STX3: variants seen among roughly 807,000 people sequenced by gnomAD.
The protein encoded by STX3 is syntaxin-3.
STX3 carries 19 observed loss-of-function variants against 40.2 expected under a neutral mutation model. That is an observed-to-expected ratio of 0.47 (90% CI 0.33 to 0.69). The LOEUF (loss-of-function observed/expected upper bound fraction) is 0.69. STX3 is among the 30% of genes least tolerant of loss of function. STX3 has a pLI of 0.02. For synonymous variants in STX3, 122 were observed against 132.2 expected (o/e 0.92, Z 0.53); for missense variants, 364 against 366.7 (o/e 0.99, Z 0.06).
intron 1 of STX3, among the ~76,000 whole-genome samples, chr11:59,770,849 T>C (rs921058235): frequency 6.6e-6 from 1 of 152,152 alleles, no homozygotes; most frequent in African/African-American, 2.4e-5. Context: ...AGGAGGATAC[T>C]GTTCAACTCA....
At chr11:59,771,101 G>T (rs984181171) in intron 1 of STX3, among the ~76,000 whole-genome samples, 1 of 152,174 alleles carries the variant, frequency 6.6e-6, no homozygotes, top group African/African-American at 2.4e-5. Context: ...ACAGAGGAAG[G>T]TGTTTCGAGC....
Position 59,803,086 on chromosome 11 carries a change from C to T in STX3, c.*2262C>T. 4.9e-6 allele frequency: 6 copies of T among 1,227,766 alleles called. No homozygotes were observed. Among genetic ancestry groups the T allele is most frequent in the Non-Finnish European group, 6.1e-6 (6 of 985,910 alleles). The allele number at this position is 1,227,766 out of a possible 1,614,324, so 76.1% of individuals were successfully genotyped here. A position where few individuals can be genotyped will look rare whatever the true frequency, so the allele number is the denominator to read the frequency against. On this transcript the variant is annotated 3_prime_UTR_variant, in exon 11 of 11. Transcript: ENST00000337979. ...CATTCTGGGTCCTAGAAGCCAGATC[C>T]ATCTCCTTTTTCCTTCTGTTGCTCT...
Position 59,802,762 on chromosome 11 carries a change from G to T in STX3, c.*1938G>T. The T allele has an allele frequency of 1.0e-6, 1 of 985,994 alleles. No individual in the cohort carries two copies. The highest frequency in any genetic ancestry group is 1.2e-6 in the Non-Finnish European group (1 of 830,268). 61.1% of individuals were successfully genotyped at this position (985,994 alleles called of 1,614,324 possible). ...CAATGATCTGGTGCCACCATGTGGT[G>T]ATTTTTATTCAGGTTTTAGAATGCA... On this transcript the variant is annotated 3_prime_UTR_variant, in exon 11 of 11. Transcript: ENST00000337979.
intron 1 of STX3, among the ~76,000 whole-genome samples, chr11:59,763,815 C>G (rs975127356): frequency 2.6e-5 from 4 of 152,182 alleles, no homozygotes; most frequent in Admixed American, 2.6e-4. Flanking sequence ...GTTGGGAGTT[C>G]AAGACCATCC....
intron 1 of STX3, among the ~76,000 whole-genome samples, chr11:59,768,620 T>C (rs1863401648): frequency 6.6e-6 from 1 of 152,122 alleles, no homozygotes; most frequent in Admixed American, 6.6e-5. Context: ...GCAGAAGGTG[T>C]CTGGGGGAGA....
chr11:59,781,800 G>T, intron 2 of STX3: 3 of 1,384,466 alleles, frequency 2.2e-6, no homozygotes, highest in South Asian at 2.5e-5. Context: ...AAGAGGACTT[G>T]ACTGAGCAGC....
At chr11:59,790,127 A>G (rs1436888385) in intron 4 of STX3, among the ~76,000 whole-genome samples, 4 of 152,220 alleles carry the variant, frequency 2.6e-5, no homozygotes, top group Non-Finnish European at 5.9e-5. Context: ...CCATTGTGCT[A>G]GGCACTTTAT....
At chr11:59,774,188 A>G (rs895291675) in intron 2 of STX3, among the ~76,000 whole-genome samples, 1 of 152,114 alleles carries the variant, frequency 6.6e-6, no homozygotes, top group Non-Finnish European at 1.5e-5. Context: ...AGGCAGTAGT[A>G]TATCGTGGAT....
chr11:59,795,278 C>T, intron 8 of STX3, 94 bp from the exon 9 acceptor site: 1 of 1,040,956 alleles, frequency 9.6e-7, no homozygotes, highest in Non-Finnish European at 1.4e-6. Flanking sequence ...CTCTTCTTGC[C>T]ACTGAAGATT....
intron 2 of STX3, among the ~76,000 whole-genome samples, chr11:59,781,046 A>G (rs1463382641): frequency 6.7e-6 from 1 of 148,464 alleles, no homozygotes; most frequent in Non-Finnish European, 1.5e-5. Context: ...TGGTTGACTG[A>G]GGTGGCCTTT....
At chr11:59,795,227 T>G (rs1281826602) in intron 8 of STX3, 145 bp from the exon 9 acceptor site, 1 of 646,248 alleles carries the variant, frequency 1.5e-6, no homozygotes, top group Non-Finnish European at 2.7e-6. Context: ...GGACTGTGAA[T>G]GGGTGTCCTA....
At chr11:59,792,079 C>T (rs1408079413) in intron 5 of STX3, 28 bp from the exon 6 acceptor site, 1 of 1,574,824 alleles carries the variant, frequency 6.3e-7, no homozygotes, top group Non-Finnish European at 8.7e-7. Context: ...ACCACTGGGG[C>T]CTGACTGCAT....
chr11:59,780,573 A>T (rs1590791199), intron 2 of STX3, among the ~76,000 whole-genome samples: 1 of 152,200 alleles, frequency 6.6e-6, no homozygotes, highest in East Asian at 1.9e-4. Flanking sequence ...TACCTCAGAC[A>T]TGCCTTCTTC....
rs1295434607 is a variant in STX3 at position 59,804,450 on chromosome 11, G to A, written c.*3626G>A. ...TACTTATAATTAAGCTCTTATTTCA[G>A]TCATGGACAAATCCTTGGGTTTGAC... On this transcript the variant is annotated 3_prime_UTR_variant, in exon 11 of 11. Coordinates refer to ENST00000337979, the MANE Select transcript of STX3 (RefSeq NM_004177.5). 2.6e-5 allele frequency: 4 copies of A among 152,144 alleles called. No homozygotes were observed. The highest frequency in any genetic ancestry group is 2.6e-4 in the Admixed American group (4 of 15,280). The allele number at this position is 152,144 out of a possible 1,614,324, so 9.4% of individuals were successfully genotyped here.
intron 2 of STX3, among the ~76,000 whole-genome samples, chr11:59,773,677 G>A (rs1863784904): frequency 6.6e-6 from 1 of 152,136 alleles, no homozygotes; most frequent in Non-Finnish European, 1.5e-5. Context: ...TACATCAAAT[G>A]TGTAGTTTTG....
intron 2 of STX3, among the ~76,000 whole-genome samples, chr11:59,780,908 C>G (rs1864326338): frequency 6.6e-6 from 1 of 152,150 alleles, no homozygotes; most frequent in Non-Finnish European, 1.5e-5. Flanking sequence ...AGATTATTGT[C>G]TCAGAATACT....
chr11:59,773,774 G>GTTCAA (rs1001810240), intron 2 of STX3, among the ~76,000 whole-genome samples: 3 of 152,096 alleles, frequency 2.0e-5, no homozygotes, highest in Non-Finnish European at 2.9e-5. Flanking sequence ...GAGGTCAGGA[G>GTTCAA]TTCAAGAACA....
rs911419314 is a variant in STX3, at chr11:59,805,026, A to G, written c.*4202A>G. The G allele has an allele frequency of 2.0e-5, 3 of 152,056 alleles. No homozygotes were observed. The highest frequency in any genetic ancestry group is 7.2e-5 in the African/African-American group (3 of 41,396). 9.4% of individuals were successfully genotyped at this position (152,056 alleles called of 1,614,324 possible). On this transcript the variant is annotated 3_prime_UTR_variant, in exon 11 of 11. Coordinates refer to ENST00000337979, the MANE Select transcript of STX3 (RefSeq NM_004177.5). ...ACCCCCTCTCTACAAAAAATACAAA[A>G]ATTAGCCAGGCATGGTGGCTTGCAC...
chr11:59,782,105 T>C (rs1172917139), intron 2 of STX3, among the ~76,000 whole-genome samples: 1 of 152,218 alleles, frequency 6.6e-6, no homozygotes, highest in Non-Finnish European at 1.5e-5. Context: ...TTCTCTGCTT[T>C]TCCTTGTTTA....
Sources: allele counts gnomAD v4.1 joint callset (sites outside exome capture counted in the v4.1 genomes callset), GRCh38; gene constraint gnomAD v4.1.1; transcripts MANE v1.5; gene names NCBI Gene and HGNC (gene_info 2026-07-23, HGNC 2026-07-21).